PSD3: variants seen among roughly 807,000 people sequenced by gnomAD.
The protein encoded by PSD3 is PH and SEC7 domain-containing protein 3.
Under a neutral mutation model 105.5 loss-of-function variants are expected in PSD3, and 49 were observed. The observed-to-expected ratio is 0.46, with a 90% CI of 0.37 to 0.59. PSD3 has a LOEUF of 0.59. Ranked by LOEUF, PSD3 falls within the 20% of genes least tolerant of loss-of-function variation. The pLI, the probability that PSD3 is intolerant of heterozygous loss-of-function variation, is 0.00. For synonymous variants in PSD3, 557 were observed against 457.8 expected (o/e 1.22, Z -2.77); for missense variants, 1,561 against 1,263.8 (o/e 1.24, Z -3.57).
At chr8:18,963,716 T>C (rs987944473) in intron 1 of PSD3, among the ~76,000 whole-genome samples, 21 of 152,204 alleles carry the variant, frequency 1.4e-4, no homozygotes, top group African/African-American at 4.3e-4. Flanking sequence ...GTATAAATAA[T>C]TTATTAACAG....
chr8:18,604,537 T>C (rs924504213), intron 11 of PSD3, among the ~76,000 whole-genome samples: 7 of 150,728 alleles, frequency 4.6e-5, no homozygotes, highest in Admixed American at 1.3e-4. Context: ...CCTGGCCACG[T>C]GATAGAAAAA....
intron 14 of PSD3, among the ~76,000 whole-genome samples, chr8:18,568,639 C>G (rs200505564): frequency 6.6e-6 from 1 of 152,146 alleles, no homozygotes; most frequent in East Asian, 1.9e-4. Context: ...CCTTGGTTAT[C>G]TCTCCTCTGG....
At chr8:18,735,937 A>C (rs1804117191) in intron 9 of PSD3, among the ~76,000 whole-genome samples, 1 of 152,190 alleles carries the variant, frequency 6.6e-6, no homozygotes, top group African/African-American at 2.4e-5. Context: ...TACAAAGAAT[A>C]AATAAAAACA....
At chr8:19,065,855 G>A (rs1348494997) in intron 1 of PSD3, among the ~76,000 whole-genome samples, 1 of 152,124 alleles carries the variant, frequency 6.6e-6, no homozygotes, top group African/African-American at 2.4e-5. Context: ...CAGAGGCTAG[G>A]GGGTGGGGCT....
Position 18,985,020 on chromosome 8 carries a change from G to A in PSD3, c.21+28543C>T, listed in dbSNP as rs148678401. Among the ~76,000 whole-genome samples, 876 of 152,250 alleles carry A rather than the reference G, an allele frequency of 5.8e-3. 10 individuals are homozygous for A. The highest frequency in any genetic ancestry group is 0.02 in the African/African-American group (844 of 41,558). ...GTCATCTTGGATCACTACAACCTCTGCCCTCCAGGTTCAAGCGATTCTCGT... is the reference window on the plus strand; with the variant it reads ...GTCATCTTGGATCACTACAACCTCTACCCTCCAGGTTCAAGCGATTCTCGT... On this transcript the variant is annotated intron_variant, in intron 1 of 15. Transcript: ENST00000327040.
chr8:18,867,841 A>C lies in PSD3; in HGVS notation c.1467T>G (p.Gly489=), dbSNP rs756270965. 1.9e-6 allele frequency: 3 copies of C among 1,614,124 alleles called. No individual in the cohort carries two copies. In the Admixed American group the frequency reaches 5.0e-5, roughly 27 times the overall value. ...CTGATGTCCTCTCCAAGAACTGACC[A>C]CCTTCTTTAATGCGCTGTTGTATCA... is the stretch of plus-strand genomic sequence containing the variant. ...TPMIQQRIKE[G]GQFLERTSGG... The change falls in exon 4 of 16, where the codon GGT becomes GGG. Residue 489 remains glycine, a synonymous_variant. Transcript: ENST00000327040.
chr8:18,687,246 A>G (rs1423831963), intron 9 of PSD3, among the ~76,000 whole-genome samples: 1 of 152,108 alleles, frequency 6.6e-6, no homozygotes, highest in Non-Finnish European at 1.5e-5. Context: ...GGCGGATCAC[A>G]TGAGTCCAAG....
intron 4 of PSD3, among the ~76,000 whole-genome samples, chr8:18,825,910 G>C (rs1436865974): frequency 6.6e-6 from 1 of 152,152 alleles, no homozygotes; most frequent in African/African-American, 2.4e-5. Context: ...GTGTCAACTT[G>C]ACTGGGCCAC....
chr8:18,809,887 C>G (rs926599967), intron 4 of PSD3, among the ~76,000 whole-genome samples: 4 of 152,014 alleles, frequency 2.6e-5, no homozygotes, highest in Non-Finnish European at 5.9e-5. Flanking sequence ...AACACAAAAA[C>G]CCTCCTCTGT....
chr8:18,978,660 G>A (rs73590659), intron 1 of PSD3, among the ~76,000 whole-genome samples: 4,860 of 152,140 alleles, frequency 0.032, 263 homozygotes, highest in African/African-American at 0.11. Context: ...GGTATAGAAT[G>A]TTCCCACACC....
chr8:18,676,862 A>C (rs1275593878), intron 9 of PSD3, among the ~76,000 whole-genome samples: 1 of 152,238 alleles, frequency 6.6e-6, no homozygotes, highest in Non-Finnish European at 1.5e-5. Context: ...GCTTGAGCAC[A>C]AGCCCTGATT....
At chr8:18,771,646 AC>A (rs1807541031) in intron 8 of PSD3, among the ~76,000 whole-genome samples, 1 of 152,224 alleles carries the variant, frequency 6.6e-6, no homozygotes, top group South Asian at 2.1e-4. Context: ...AAATCAACAG[AC>A]CATAAATGTA....
chr8:18,936,205 AC>A, intron 1 of PSD3, 63 bp from the exon 2 acceptor site: 1 of 1,060,732 alleles, frequency 9.4e-7, no homozygotes, highest in Non-Finnish European at 1.4e-6. Context: ...ACATCATAAA[AC>A]AAATTATCCA....
chr8:18,754,252 C>T (rs1023367996), intron 9 of PSD3, among the ~76,000 whole-genome samples: 5 of 151,938 alleles, frequency 3.3e-5, no homozygotes, highest in Non-Finnish European at 7.4e-5. Flanking sequence ...GGCGTGGTGG[C>T]GGATGCCTGT....
At chr8:19,026,042 A>G (rs1391590947) in intron 1 of PSD3, among the ~76,000 whole-genome samples, 1 of 152,164 alleles carries the variant, frequency 6.6e-6, no homozygotes, top group Non-Finnish European at 1.5e-5. Flanking sequence ...AGGCAAGAGC[A>G]CCTGTGCAGG....
At chr8:19,070,821 C>G (rs1829230709) in intron 1 of PSD3, among the ~76,000 whole-genome samples, 1 of 152,204 alleles carries the variant, frequency 6.6e-6, no homozygotes, top group Non-Finnish European at 1.5e-5. Flanking sequence ...CAGCACTAAC[C>G]AAGCAAAGTT....
intron 9 of PSD3, among the ~76,000 whole-genome samples, chr8:18,752,725 T>A (rs918216550): frequency 2.1e-4 from 27 of 131,324 alleles, no homozygotes; most frequent in African/African-American, 7.5e-4. Flanking sequence ...TATTTTTGTC[T>A]AAGTCTATAC....
chr8:18,896,803 G>C (rs916610805), intron 2 of PSD3, among the ~76,000 whole-genome samples: 7 of 151,062 alleles, frequency 4.6e-5, no homozygotes, highest in Admixed American at 3.3e-4. Flanking sequence ...TTTATGTTTT[G>C]TCTTTTTTTG....
intron 1 of PSD3, chr8:19,000,981 C>T (rs975977054): frequency 6.6e-6 from 1 of 151,882 alleles, no homozygotes; most frequent in Non-Finnish European, 1.5e-5. Flanking sequence ...CAAAGGTGCT[C>T]AAATCTCTTA....
Sources: allele counts gnomAD v4.1 joint callset (sites outside exome capture counted in the v4.1 genomes callset), GRCh38; gene constraint gnomAD v4.1.1; transcripts MANE v1.5; gene names NCBI Gene and HGNC (gene_info 2026-07-23, HGNC 2026-07-21).